Variants in RCAN1 observed in about 807,000 individuals in gnomAD.
RCAN1 encodes regulator of calcineurin 1, also known as calcipressin-1.
RCAN1 carries 11 observed loss-of-function variants against 22.9 expected under a neutral mutation model. The observed-to-expected ratio is 0.48, with a 90% CI of 0.30 to 0.79. The LOEUF (loss-of-function observed/expected upper bound fraction) is 0.79. Ranked by LOEUF, RCAN1 falls within the 30% of genes least tolerant of loss-of-function variation. The pLI is 0.06. For synonymous variants in RCAN1, 136 were observed against 142.3 expected (o/e 0.96, Z 0.32); for missense variants, 291 against 337.8 (o/e 0.86, Z 1.09).
chr21:34,530,769 C>T (rs567103423), intron 1 of RCAN1, among the ~76,000 whole-genome samples: 184 of 151,846 alleles, frequency 1.2e-3, no homozygotes, highest in Non-Finnish European at 2.1e-3. Flanking sequence ...GGATTACAGG[C>T]GCCTGCCACC....
At chr21:34,579,402 C>G (rs1463814691) in intron 1 of RCAN1, among the ~76,000 whole-genome samples, 1 of 152,068 alleles carries the variant, frequency 6.6e-6, no homozygotes, top group African/African-American at 2.4e-5. Flanking sequence ...GAGTCCCACC[C>G]CCCAAAAATG....
chr21:34,526,983 TAC>T (rs1364989762), intron 1 of RCAN1: 16 of 1,329,786 alleles, frequency 1.2e-5, no homozygotes, highest in Non-Finnish European at 6.7e-6. Context: ...TGTAAGTTTC[TAC>T]TGGAAAGAGG....
At chr21:34,570,772 G>T (rs1365447379) in intron 1 of RCAN1, among the ~76,000 whole-genome samples, 1 of 151,868 alleles carries the variant, frequency 6.6e-6, no homozygotes, top group East Asian at 1.9e-4. Context: ...AAGTGAACTT[G>T]CTCCAAATAC....
intron 1 of RCAN1, among the ~76,000 whole-genome samples, chr21:34,606,560 G>A (rs975919151): frequency 6.6e-6 from 1 of 152,078 alleles, no homozygotes. Flanking sequence ...AAAATTAAAG[G>A]TGATTATCAT....
intron 1 of RCAN1, among the ~76,000 whole-genome samples, chr21:34,530,207 A>C (rs540346633): frequency 6.6e-6 from 1 of 152,364 alleles, no homozygotes; most frequent in South Asian, 2.1e-4. Flanking sequence ...GTCAACTGAG[A>C]GCTTTAGAAG....
At position 34,518,049 on chromosome 21, in the gene RCAN1, G is replaced by A. The variant is rs773979412; in HGVS notation, c.*35C>T. 12 of 1,611,106 alleles carry A rather than the reference G, an allele frequency of 7.4e-6. No homozygotes were observed. The highest frequency in any genetic ancestry group is 1.0e-5 in the Non-Finnish European group (12 of 1,178,058). On this transcript the variant is annotated 3_prime_UTR_variant, in exon 4 of 4. Transcript: ENST00000313806. The surrounding 1 kb of genome is among the most constrained non-coding windows in gnomAD (Gnocchi z 4.2). ...CCACAGTAAAAGATTCCTCCCGTGA[G>A]TATGATTTGGAATGCGTCCTCGTCG...
At chr21:34,562,331 T>G (rs1328463984) in intron 1 of RCAN1, among the ~76,000 whole-genome samples, 1 of 140,556 alleles carries the variant, frequency 7.1e-6, no homozygotes, top group Admixed American at 6.9e-5. Context: ...AATATTCTGC[T>G]CCATTTGGTC....
chr21:34,532,963 C>CTTT (rs35547356), intron 1 of RCAN1, among the ~76,000 whole-genome samples: 4 of 141,606 alleles, frequency 2.8e-5, no homozygotes, highest in Non-Finnish European at 6.1e-5. Flanking sequence ...ACAAAATAAA[C>CTTT]TTTTTTTTTT....
At chr21:34,564,229 C>G (rs1045389725) in intron 1 of RCAN1, among the ~76,000 whole-genome samples, 1 of 152,152 alleles carries the variant, frequency 6.6e-6, no homozygotes, top group Non-Finnish European at 1.5e-5. Flanking sequence ...TCCACCTGGT[C>G]CCCACCCTTG....
intron 1 of RCAN1, among the ~76,000 whole-genome samples, chr21:34,544,426 G>A (rs4816493): frequency 4.6e-5 from 7 of 152,096 alleles, no homozygotes; most frequent in South Asian, 2.1e-4. Context: ...CAGATTCTCC[G>A]CAAGAGTCTC....
At chr21:34,591,717 C>A (rs945816246) in intron 1 of RCAN1, among the ~76,000 whole-genome samples, 3 of 152,226 alleles carry the variant, frequency 2.0e-5, no homozygotes, top group Admixed American at 1.3e-4. Context: ...GAGATTCTCG[C>A]ATGGTGGATC....
chr21:34,563,906 CAGTGAGCCGAGAT>C (rs1212892770), intron 1 of RCAN1, among the ~76,000 whole-genome samples: 2 of 150,218 alleles, frequency 1.3e-5, no homozygotes, highest in Non-Finnish European at 3.0e-5. Flanking sequence ...GCGGAGGTTG[CAGTGAGCCGAGAT>C]AGTGCCACTG....
intron 1 of RCAN1, among the ~76,000 whole-genome samples, chr21:34,598,323 G>A (rs917948053): frequency 6.6e-5 from 10 of 152,180 alleles, no homozygotes; most frequent in Admixed American, 2.0e-4. Context: ...ACGCTAAAAT[G>A]TAAGATCACA....
chr21:34,530,624 T>G (rs1392788648), intron 1 of RCAN1, among the ~76,000 whole-genome samples: 2 of 102,840 alleles, frequency 1.9e-5, no homozygotes, highest in Non-Finnish European at 3.8e-5. Flanking sequence ...TAGTTTTTTT[T>G]TTTTTTTTTT....
intron 1 of RCAN1, among the ~76,000 whole-genome samples, chr21:34,536,122 T>C (rs1055371461): frequency 3.3e-5 from 5 of 152,164 alleles, no homozygotes; most frequent in African/African-American, 1.2e-4. Context: ...CCACTGTAAC[T>C]TCTTGGAAAC....
intron 1 of RCAN1, among the ~76,000 whole-genome samples, chr21:34,555,828 C>A (rs1038819969): frequency 6.6e-6 from 1 of 150,932 alleles, no homozygotes; most frequent in Non-Finnish European, 1.5e-5. Flanking sequence ...TTTGGGAGGC[C>A]GAGGCAGGTG....
intron 3 of RCAN1, chr21:34,521,125 A>G: frequency 7.9e-7 from 1 of 1,262,798 alleles, no homozygotes; most frequent in Non-Finnish European, 9.9e-7. Context: ...TAAAGGGGGC[A>G]TCGATTTTCC....
intron 2 of RCAN1, 39 bp downstream of exon 2, chr21:34,523,498 G>A: frequency 6.3e-7 from 1 of 1,596,480 alleles, no homozygotes. Flanking sequence ...GGGAGGGAGG[G>A]AGGAGGGAGA....
At chr21:34,525,681 A>C (rs1205663091) in intron 1 of RCAN1, 1 of 244,374 alleles carries the variant, frequency 4.1e-6, no homozygotes, top group Non-Finnish European at 7.7e-6. Context: ...TCTCTTATAA[A>C]AGAATCTTAT....
Sources: gnomAD v4.1 joint callset for allele counts (sites outside exome capture counted in the v4.1 genomes callset) on GRCh38, gnomAD v4.1.1 for gene constraint, Gnocchi (gnomAD v3.1) non-coding constraint, MANE v1.5 for transcripts, NCBI Gene and HGNC (gene_info 2026-07-23, HGNC 2026-07-21) for gene names.